ERI1: variants seen among roughly 807,000 people sequenced by gnomAD.
The protein encoded by ERI1 is 3'-5' exoribonuclease 1.
ERI1 carries 39 observed loss-of-function variants against 39.7 expected under a neutral mutation model. That is an observed-to-expected ratio of 0.98 (90% CI 0.76 to 1.28). The LOEUF (loss-of-function observed/expected upper bound fraction) is 1.28, where lower values mean the gene tolerates loss of function less well. Among genes scored for constraint, ERI1 ranks in the 50% most tolerant of loss-of-function variants. ERI1 has a pLI of 0.00. For missense variants in ERI1, 581 were observed against 416.9 expected (o/e 1.39, Z -3.43); for synonymous variants, 204 against 149.6 (o/e 1.36, Z -2.65).
downstream of ERI1, among the ~76,000 whole-genome samples, chr8:9,035,416 C>T (rs912566049): frequency 6.6e-6 from 1 of 152,200 alleles, no homozygotes; most frequent in Non-Finnish European, 1.5e-5. Flanking sequence ...GTTCATTAAC[C>T]ATTCTGAAAA....
rs1305527534 is a variant in ERI1 at position 9,003,153 on chromosome 8, G to A, written c.90G>A (p.Pro30=). 9 of 1,243,748 alleles carry A rather than the reference G, an allele frequency of 7.2e-6. No homozygotes were observed. The East Asian group carries it at 2.5e-4, about 35-fold the overall frequency. The allele number at this position is 1,243,748 out of a possible 1,614,324, so 77.0% of individuals were successfully genotyped here. A position where few individuals can be genotyped will look rare whatever the true frequency, so the allele number is the denominator to read the frequency against. Residue 30 remains proline, a synonymous_variant, in exon 1 of 7, where the codon CCG becomes CCA. Coordinates refer to ENST00000250263, the MANE Select transcript of ERI1 (RefSeq NM_153332.4). ...CGCGGCCGGAGGGCGGGGAGGAGCC[G>A]CCGCGTCCCAGTCCCGAGGTGAGGA... is the stretch of plus-strand genomic sequence containing the variant. ...ESPRPEGGEE[P]PRPSPEETQQ... is the part of the protein sequence containing the mutation.
chr8:9,010,132 AAT>A (rs1816508242), intron 2 of ERI1, among the ~76,000 whole-genome samples: 5 of 152,228 alleles, frequency 3.3e-5, no homozygotes, highest in Admixed American at 3.3e-4. Context: ...TCATATTCTG[AAT>A]ATGTTTCTGA....
intron 3 of ERI1, among the ~76,000 whole-genome samples, chr8:9,081,679 CTTTT>C (rs954425724): frequency 8.8e-6 from 1 of 113,806 alleles, no homozygotes; most frequent in Non-Finnish European, 1.9e-5. Flanking sequence ...TCTTCTTCTT[CTTTT>C]GTTTTTGTTT....
intron 3 of ERI1, among the ~76,000 whole-genome samples, chr8:9,097,480 C>A (rs1173544658): frequency 6.6e-6 from 1 of 151,860 alleles, no homozygotes; most frequent in African/African-American, 2.4e-5. Flanking sequence ...ACCAGCCTGG[C>A]CAACATGGTA....
In ERI1 at chr8:9,007,984, T is replaced by C; in HGVS notation, c.123T>C (p.Cys41=). ...TTTTTTGGTAGGAAACTCAACAGTG[T>C]AAATTTGATGGCCAGGAGACAAAAG... ...PRPSPEETQQ[C]KFDGQETKGS... is the part of the protein sequence containing the mutation. The change falls in exon 2 of 7, where the codon TGT becomes TGC. Residue 41 remains cysteine (C), a synonymous_variant. Coordinates refer to ENST00000250263, the MANE Select transcript of ERI1 (RefSeq NM_153332.4). 7.2e-7 allele frequency: 1 copy of C among 1,379,404 alleles called. No homozygotes were observed. Among genetic ancestry groups the C allele is most frequent in the Non-Finnish European group, 9.8e-7 (1 of 1,016,396 alleles). 85.4% of individuals were successfully genotyped at this position (1,379,404 alleles called of 1,614,324 possible).
chr8:9,020,530 G>T (rs1490499048), intron 6 of ERI1, 66 bp downstream of exon 6: 6 of 972,710 alleles, frequency 6.2e-6, no homozygotes, highest in Non-Finnish European at 9.1e-6. Context: ...TTGCATGTAC[G>T]TTAGATTGTA....
chr8:9,009,697 G>C (rs1816460996), intron 2 of ERI1, among the ~76,000 whole-genome samples: 1 of 152,072 alleles, frequency 6.6e-6, no homozygotes, highest in Admixed American at 6.6e-5. Context: ...GCACCACCAT[G>C]CCTGGCTAAT....
chr8:9,037,583 A>G (rs774263223), downstream of ERI1, among the ~76,000 whole-genome samples: 7 of 152,204 alleles, frequency 4.6e-5, no homozygotes, highest in Non-Finnish European at 8.8e-5. Flanking sequence ...CTAAGACACA[A>G]TGGGTGCTTA....
intron 4 of ERI1, 141 bp from the exon 5 acceptor site, chr8:9,018,156 A>C: frequency 5.6e-6 from 3 of 534,610 alleles, no homozygotes; most frequent in Admixed American, 6.3e-5. Context: ...CTTTAGGTGG[A>C]GCTAAGCCAA....
In ERI1 at chr8:9,028,471, A is replaced by G. The variant is rs184136901; in HGVS notation, c.808-1321A>G. Among the ~76,000 whole-genome samples the G allele has an allele frequency of 3.3e-5, 5 of 152,322 alleles. No individual in the cohort carries two copies. The East Asian group carries it at 9.6e-4, about 29-fold the overall frequency. On this transcript the variant is annotated intron_variant, in intron 6 of 6. Transcript: ENST00000250263. ...GTTTTACATCATTTGCTTTGTGATT[A>G]TCCCAGTAACCCTATGAGTAAATAT...
intron 3 of ERI1, among the ~76,000 whole-genome samples, chr8:9,069,821 T>G (rs150238293): frequency 1.4e-3 from 212 of 152,366 alleles, no homozygotes; most frequent in African/African-American, 4.1e-3. Context: ...GAAATGATTA[T>G]ACTATTGAAC....
chr8:9,064,318 C>A (rs943605478), intron 3 of ERI1, among the ~76,000 whole-genome samples: 1 of 151,932 alleles, frequency 6.6e-6, no homozygotes, highest in Admixed American at 6.6e-5. Flanking sequence ...GGTTCTTGCA[C>A]CCCAGAAAAG....
intron 3 of ERI1, among the ~76,000 whole-genome samples, chr8:9,066,974 C>T (rs982153775): frequency 6.6e-6 from 1 of 152,124 alleles, no homozygotes; most frequent in Non-Finnish European, 1.5e-5. Context: ...AATAAACGCC[C>T]ATGAACTGGG....
At chr8:9,092,670 T>C (rs1799745253) in intron 3 of ERI1, among the ~76,000 whole-genome samples, 1 of 152,194 alleles carries the variant, frequency 6.6e-6, no homozygotes, top group African/African-American at 2.4e-5. Flanking sequence ...CTGTGAGCAG[T>C]GGTTTGCCAC....
At chr8:9,070,533 T>C (rs1310440992) in intron 3 of ERI1, among the ~76,000 whole-genome samples, 2 of 152,258 alleles carry the variant, frequency 1.3e-5, no homozygotes, top group East Asian at 3.9e-4. Context: ...ATATTTGGGA[T>C]ACATTGGCAG....
At chr8:9,018,510 C>A in intron 5 of ERI1, 104 bp downstream of exon 5, 1 of 653,316 alleles carries the variant, frequency 1.5e-6, no homozygotes. Context: ...ATTAGAGACC[C>A]TAGAGTCTCA....
chr8:9,091,081 C>G (rs1354732696), intron 3 of ERI1, among the ~76,000 whole-genome samples: 1 of 152,146 alleles, frequency 6.6e-6, no homozygotes, highest in Non-Finnish European at 1.5e-5. Context: ...ATATGTTCCC[C>G]TATTTTATTT....
At position 9,076,328 on chromosome 8, in the gene ERI1, G is replaced by A. The variant is rs149851109; in HGVS notation, n.300-40020G>A. 6.6e-4 allele frequency among the ~76,000 whole-genome samples: 101 copies of A among 152,168 alleles called. 1 individual carries two copies. Among genetic ancestry groups the A allele is most frequent in the African/African-American group, 2.4e-3 (98 of 41,488 alleles). ...CCTAAAACTACGGTACAGAAGAGAG[G>A]GTATAAATTACAGGACTGGCATCCA... On this transcript the variant is annotated intron_variant and non_coding_transcript_variant, in intron 3 of 3. Coordinates refer to the ERI1 transcript ENST00000518663.
chr8:9,026,140 A>G (rs1237112632), intron 6 of ERI1, among the ~76,000 whole-genome samples: 2 of 152,166 alleles, frequency 1.3e-5, no homozygotes, highest in Non-Finnish European at 2.9e-5. Flanking sequence ...GAGGTGTGTA[A>G]TCTTCCACTT....
Sources: gnomAD v4.1 joint callset for allele counts (sites outside exome capture counted in the v4.1 genomes callset) on GRCh38, gnomAD v4.1.1 for gene constraint, MANE v1.5 for transcripts, NCBI Gene and HGNC (gene_info 2026-07-23, HGNC 2026-07-21) for gene names.